The following RBM33 variants were observed in gnomAD, a reference collection of about 807,000 sequenced individuals.
RBM33 encodes the protein RNA-binding protein 33.
Under a neutral mutation model 132.6 loss-of-function variants are expected in RBM33, and 28 were observed. The ratio of observed to expected loss-of-function variants is 0.21; its 90% confidence interval spans 0.16 to 0.29. RBM33 has a LOEUF of 0.29. Ranked by LOEUF, RBM33 falls within the 10% of genes least tolerant of loss-of-function variation. The pLI, the probability that RBM33 is intolerant of heterozygous loss-of-function variation, is 1.00. For synonymous variants in RBM33, 634 were observed against 593.0 expected (o/e 1.07, Z -1.01); for missense variants, 1,291 against 1,518.5 (o/e 0.85, Z 2.49).
rs755624828 is a variant in RBM33, at chr7:155,763,897, G to A, written c.3065G>A (p.Arg1022His). The A allele has an allele frequency of 1.1e-5, 17 of 1,609,664 alleles. No individual in the cohort carries two copies. The highest frequency in any genetic ancestry group is 2.2e-5 in the East Asian group (1 of 44,734). The change falls in exon 15 of 18, where the codon CGC becomes CAC. Residue 1022 changes from arginine to histidine, a missense_variant. Around this residue, in one of 7 missense-constraint regions of RBM33, gnomAD observed 841 missense variants for 912.0 expected, o/e 0.92. Transcript: ENST00000401878. Reference sequence around the variant, plus strand: ...CCGGAAGTGGGACCACAGCCTGCCCGCAAGGTGACGCTGACCAGGGGGGGC... The same window carrying A: ...CCGGAAGTGGGACCACAGCCTGCCCACAAGGTGACGCTGACCAGGGGGGGC... ...QPPEVGPQPA[R>H]KVTLTRGGLQ... is the part of the protein sequence containing the mutation.
intron 2 of RBM33, among the ~76,000 whole-genome samples, chr7:155,669,754 C>T (rs1331143856): frequency 1.3e-5 from 2 of 152,170 alleles, no homozygotes; most frequent in African/African-American, 2.4e-5. Context: ...GTTCCTGCCC[C>T]GGCCTTGTGG....
chr7:155,662,491 T>C (rs1398018956), intron 1 of RBM33, among the ~76,000 whole-genome samples: 1 of 152,128 alleles, frequency 6.6e-6, no homozygotes, highest in Non-Finnish European at 1.5e-5. Context: ...TGGAGCACTC[T>C]TGTTCTAAAT....
At chr7:155,706,710 G>T in intron 6 of RBM33, 150 bp from the exon 7 acceptor site, 1 of 616,934 alleles carries the variant, frequency 1.6e-6, no homozygotes, top group South Asian at 1.9e-5. Flanking sequence ...TGGTTGTATC[G>T]TACTTGCCGC....
rs146584020 is a variant in RBM33, at chr7:155,742,039, C to T, written c.2270C>T (p.Thr757Met). Residue 757 changes from threonine (T) to methionine (M), a missense_variant, in exon 13 of 18, where the codon ACG becomes ATG. This residue lies in a region of RBM33 where 841 missense variants were observed against 912.0 expected (regional missense o/e 0.92). Transcript: ENST00000401878. Reference sequence around the variant, plus strand: ...GGTTCCAGAAGCTCACAGGGAAAGACGGAAGTGAAAGTCAAGCCAGCTAGC... The same window carrying T: ...GGTTCCAGAAGCTCACAGGGAAAGATGGAAGTGAAAGTCAAGCCAGCTAGC... ...VAGSRSSQGKTEVKVKPASPV... is the reference protein window; with the variant it reads ...VAGSRSSQGKMEVKVKPASPV... 21 of 1,613,836 alleles carry T rather than the reference C, an allele frequency of 1.3e-5. No individual in the cohort carries two copies. The highest frequency in any genetic ancestry group is 5.0e-5 in the Admixed American group (3 of 60,006).
chr7:155,673,405 T>TGGGG (rs1184168396), intron 3 of RBM33, among the ~76,000 whole-genome samples: 3 of 16,668 alleles, frequency 1.8e-4, no homozygotes, highest in East Asian at 0.14. Context: ...ATATATATTG[T>TGGGG]GTGTGTGTGT....
chr7:155,692,556 C>T (rs905674383), intron 5 of RBM33, among the ~76,000 whole-genome samples: 1 of 152,208 alleles, frequency 6.6e-6, no homozygotes, highest in Non-Finnish European at 1.5e-5. Context: ...TGCAGGGTCA[C>T]CTGGCTCTCT....
At chr7:155,673,768 G>GTGCA (rs1554469954) in intron 3 of RBM33, among the ~76,000 whole-genome samples, 1 of 132,962 alleles carries the variant, frequency 7.5e-6, no homozygotes, top group African/African-American at 3.2e-5. Flanking sequence ...GCGCATGCGC[G>GTGCA]CACACACACA....
rs144959163 is a variant in RBM33 at position 155,675,163 on chromosome 7, C to T, written c.171+2248C>T. Among the ~76,000 whole-genome samples, 885 of 151,832 alleles carry T rather than the reference C, an allele frequency of 5.8e-3. 6 individuals carry two copies. The highest frequency in any genetic ancestry group is 0.02 in the African/African-American group (838 of 41,420). On this transcript the variant is annotated intron_variant, in intron 3 of 17. Transcript: ENST00000401878. ...CTCTGCTAAAAATACAAAAATTAGC[C>T]GGGCATGGTGACATGAACCTGAAAT... is the stretch of plus-strand genomic sequence containing the variant.
chr7:155,675,999 G>A (rs187158965), intron 3 of RBM33, among the ~76,000 whole-genome samples: 213 of 152,022 alleles, frequency 1.4e-3, no homozygotes, highest in African/African-American at 2.7e-3. Flanking sequence ...TTTTTTTCAC[G>A]TGTTTATTAG....
At chr7:155,740,175 G>A in intron 12 of RBM33, 149 bp downstream of exon 12, 1 of 1,101,446 alleles carries the variant, frequency 9.1e-7, no homozygotes, top group Non-Finnish European at 1.2e-6. Context: ...GTGAATCCAT[G>A]TTTTAAAAAA....
chr7:155,688,917 G>T (rs976952943), intron 5 of RBM33, among the ~76,000 whole-genome samples: 12 of 152,164 alleles, frequency 7.9e-5, no homozygotes, highest in Non-Finnish European at 1.8e-4. Flanking sequence ...GTTCATCAGG[G>T]ATATTGGTCT....
At chr7:155,701,334 G>A (rs762429381) in intron 6 of RBM33, 200 of 290,792 alleles carry the variant, frequency 6.9e-4, no homozygotes, top group Admixed American at 1.1e-3. Context: ...GGACAAGACC[G>A]GTTTATATTT....
At chr7:155,717,846 A>G (rs1800510914) in intron 8 of RBM33, among the ~76,000 whole-genome samples, 1 of 152,220 alleles carries the variant, frequency 6.6e-6, no homozygotes, top group Non-Finnish European at 1.5e-5. Flanking sequence ...AAAGTAAACT[A>G]AAAGCCTTGG....
In RBM33 at chr7:155,763,934, C is replaced by G; in HGVS notation, c.3102C>G (p.Pro1034=). The G allele has an allele frequency of 6.2e-7, 1 of 1,602,942 alleles. No homozygotes were observed. Among genetic ancestry groups the G allele is most frequent in the Non-Finnish European group, 8.5e-7 (1 of 1,175,006 alleles). ...TGACCAGGGGGGGCCTCCAGCAGCC[C>G]CCACATCTGCCAGCGGGGCCCCACG... ...VTLTRGGLQQ[P]PHLPAGPHAH... is the part of the protein sequence containing the mutation. The change falls in exon 15 of 18, where the codon CCC becomes CCG. Residue 1034 remains proline, a synonymous_variant. Transcript: ENST00000401878.
chr7:155,676,282 C>T (rs1268135879), intron 3 of RBM33, among the ~76,000 whole-genome samples: 1 of 152,184 alleles, frequency 6.6e-6, no homozygotes, highest in Non-Finnish European at 1.5e-5. Context: ...TTAAAGCAGG[C>T]TGACGTGACC....
In RBM33 at chr7:155,777,289, G is replaced by A. The variant is rs2007922; in HGVS notation, c.*2248G>A. 0.62 allele frequency: 94,029 copies of A among 152,314 alleles called. 29,987 individuals carry two copies. The highest frequency in any genetic ancestry group is 0.79 in the East Asian group (4,066 of 5,158). The allele number at this position is 152,314 out of a possible 1,614,324, so 9.4% of individuals were successfully genotyped here. A position where few individuals can be genotyped will look rare whatever the true frequency, so the allele number is the denominator to read the frequency against. ...TGCGTGTTTCTCTAACTGTCTACAC[G>A]TGCACATAGGCAGACTTTCTCATAG... On this transcript the variant is annotated 3_prime_UTR_variant, in exon 18 of 18. Coordinates refer to ENST00000401878, the MANE Select transcript of RBM33 (RefSeq NM_053043.3).
chr7:155,763,928 G>A lies in RBM33; in HGVS notation c.3096G>A (p.Gln1032=). 6.2e-7 allele frequency: 1 copy of A among 1,604,794 alleles called. No homozygotes were observed. The highest frequency in any genetic ancestry group is 8.5e-7 in the Non-Finnish European group (1 of 1,175,890). The change falls in exon 15 of 18, where the codon CAG becomes CAA. Residue 1032 remains glutamine, a synonymous_variant. Coordinates refer to ENST00000401878, the MANE Select transcript of RBM33 (RefSeq NM_053043.3). ...RKVTLTRGGL[Q]QPPHLPAGPH... ...TGACGCTGACCAGGGGGGGCCTCCA[G>A]CAGCCCCCACATCTGCCAGCGGGGC...
intron 14 of RBM33, among the ~76,000 whole-genome samples, chr7:155,748,985 T>C (rs548850556): frequency 1.8e-4 from 28 of 152,324 alleles, no homozygotes; most frequent in African/African-American, 6.7e-4. Context: ...GTATAGAGAT[T>C]GGAGCCTTTC....
At chr7:155,668,659 G>C (rs1400944027) in intron 2 of RBM33, among the ~76,000 whole-genome samples, 2 of 152,118 alleles carry the variant, frequency 1.3e-5, no homozygotes, top group Non-Finnish European at 2.9e-5. Context: ...TCGTTCTTGA[G>C]GTAGAGATTA....
Sources: gnomAD v4.1 joint callset for allele counts (sites outside exome capture counted in the v4.1 genomes callset) on GRCh38, gnomAD v4.1.1 for gene constraint, gnomAD v4.1.1 regional missense constraint, MANE v1.5 for transcripts, NCBI Gene and HGNC (gene_info 2026-07-23, HGNC 2026-07-21) for gene names.